Variants in CAMTA1 observed in about 807,000 individuals in gnomAD.
CAMTA1 encodes the protein calmodulin-binding transcription activator 1.
CAMTA1 carries 27 observed loss-of-function variants against 170.9 expected under a neutral mutation model. The ratio of observed to expected loss-of-function variants is 0.16; its 90% CI spans 0.12 to 0.22. The LOEUF (loss-of-function observed/expected upper bound fraction) is 0.22, where lower values mean the gene tolerates loss of function less well. Ranked by LOEUF, CAMTA1 falls within the 10% of genes least tolerant of loss-of-function variation. The probability of loss-of-function intolerance (pLI) is 1.00; values close to 1 mark genes in which losing one functional copy is unlikely to be tolerated. For missense variants in CAMTA1, 1,619 were observed against 2,217.2 expected (o/e 0.73, Z 5.42); for synonymous variants, 833 against 891.5 (o/e 0.93, Z 1.17).
intron 5 of CAMTA1, among the ~76,000 whole-genome samples, chr1:7,354,310 G>A (rs559654968): frequency 9.9e-5 from 15 of 152,058 alleles, no homozygotes; most frequent in African/African-American, 2.9e-4. Flanking sequence ...CACCGCGCCC[G>A]GCTAATTTTT....
intron 5 of CAMTA1, among the ~76,000 whole-genome samples, chr1:7,334,339 A>G (rs2083217468): frequency 6.6e-6 from 1 of 152,188 alleles, no homozygotes; most frequent in Admixed American, 6.5e-5. Flanking sequence ...TTCCTTGGCA[A>G]CATTTTCGGG....
chr1:7,324,949 A>G (rs974757163), intron 5 of CAMTA1, among the ~76,000 whole-genome samples: 1 of 152,160 alleles, frequency 6.6e-6, no homozygotes, highest in Non-Finnish European at 1.5e-5. Flanking sequence ...TGAACAATCC[A>G]TGACCAACCC....
At chr1:7,390,451 A>T (rs546601413) in intron 5 of CAMTA1, among the ~76,000 whole-genome samples, 4 of 152,284 alleles carry the variant, frequency 2.6e-5, no homozygotes, top group African/African-American at 9.6e-5. Flanking sequence ...GAGCCCGCAG[A>T]TCCCACTGCC....
intron 5 of CAMTA1, among the ~76,000 whole-genome samples, chr1:7,385,875 G>A (rs1024698905): frequency 1.6e-4 from 25 of 152,324 alleles, no homozygotes; most frequent in South Asian, 8.3e-4. Flanking sequence ...CTGGCCATTT[G>A]GTTGTGTCCA....
intron 6 of CAMTA1, among the ~76,000 whole-genome samples, chr1:7,505,294 C>T (rs186504210): frequency 2.0e-5 from 3 of 152,340 alleles, no homozygotes; most frequent in South Asian, 2.1e-4. Context: ...GCAGCCAAGT[C>T]GAGGCTCCCT....
At chr1:7,522,523 C>T (rs2094379095) in intron 6 of CAMTA1, among the ~76,000 whole-genome samples, 1 of 152,116 alleles carries the variant, frequency 6.6e-6, no homozygotes, top group Admixed American at 6.5e-5. Context: ...TAGCATTTTC[C>T]ATTTATGGAC....
chr1:7,125,569 G>T lies in CAMTA1; in HGVS notation c.302+34198G>T, dbSNP rs149695106. Among the ~76,000 whole-genome samples, 35 of 152,292 alleles carry T rather than the reference G, an allele frequency of 2.3e-4. No homozygotes were observed. In the East Asian group the frequency reaches 6.8e-3, roughly 29 times the overall value. On this transcript the variant is annotated intron_variant, in intron 4 of 22. Transcript: ENST00000303635. Reference sequence around the variant, plus strand: ...TGGAGTAAGGGACAAATAAGCAGAGGCCCCAAGGAGGAGTAGGAACTCACC... The same window carrying T: ...TGGAGTAAGGGACAAATAAGCAGAGTCCCCAAGGAGGAGTAGGAACTCACC...
intron 3 of CAMTA1, among the ~76,000 whole-genome samples, chr1:7,045,663 A>G (rs1705267352): frequency 6.6e-6 from 1 of 152,268 alleles, no homozygotes. Context: ...TTTTGATTCC[A>G]GATATGAAAT....
rs979711136 is a variant in CAMTA1 at position 7,680,566 on chromosome 1, G to T, written c.2914+2833G>T. ...CTGGGGCCCCAGCAGGGACTGCGAG[G>T]ACCGCGGGACTAGGAAGGCCTGAGC... On this transcript the variant is annotated intron_variant, in intron 11 of 22. Coordinates refer to ENST00000303635, the MANE Select transcript of CAMTA1 (RefSeq NM_015215.4). This position sits in a 1 kb window ranked among gnomAD's most constrained non-coding sequence, Gnocchi z 4.4. Among the ~76,000 whole-genome samples the T allele has an allele frequency of 2.0e-5, 3 of 151,830 alleles. No homozygotes were observed. Among genetic ancestry groups the T allele is most frequent in the African/African-American group, 4.8e-5 (2 of 41,382 alleles).
chr1:6,858,501 G>A (rs1663362484), intron 3 of CAMTA1, among the ~76,000 whole-genome samples: 1 of 145,820 alleles, frequency 6.9e-6, no homozygotes, highest in Non-Finnish European at 1.5e-5. Flanking sequence ...GGGGGGTGTT[G>A]TGATTGTTTT....
chr1:6,931,993 G>A (rs769610604), intron 3 of CAMTA1, among the ~76,000 whole-genome samples: 1 of 152,076 alleles, frequency 6.6e-6, no homozygotes, highest in Non-Finnish European at 1.5e-5. Flanking sequence ...GTGACCTCAG[G>A]GAACACCATT....
chr1:7,358,614 T>C (rs1288985390), intron 5 of CAMTA1, among the ~76,000 whole-genome samples: 1 of 152,180 alleles, frequency 6.6e-6, no homozygotes, highest in Non-Finnish European at 1.5e-5. Flanking sequence ...TCGTCAGACT[T>C]GGCTACCTCT....
intron 5 of CAMTA1, among the ~76,000 whole-genome samples, chr1:7,327,192 G>A (rs970635449): frequency 8.6e-5 from 13 of 151,900 alleles, no homozygotes; most frequent in Admixed American, 3.3e-4. Context: ...CGAGGCAGGC[G>A]GATCACGAGG....
intron 6 of CAMTA1, among the ~76,000 whole-genome samples, chr1:7,563,414 G>A (rs2094988751): frequency 6.6e-6 from 1 of 152,228 alleles, no homozygotes; most frequent in Non-Finnish European, 1.5e-5. Flanking sequence ...GGACCTGGGA[G>A]GTCAGCGAGG....
At position 7,251,255 on chromosome 1, in the gene CAMTA1, C is replaced by T. The variant is rs998539080; in HGVS notation, c.438+1629C>T. On this transcript the variant is annotated intron_variant, in intron 5 of 22. Transcript: ENST00000303635. The surrounding 1 kb of genome is among the most constrained non-coding windows in gnomAD (Gnocchi z 5.1). ...GAAGCCGAGGGGAGAAAACAACCCACAGTGTTCGTTTTCTTTCCTCATGTT... is the reference window on the plus strand; with the variant it reads ...GAAGCCGAGGGGAGAAAACAACCCATAGTGTTCGTTTTCTTTCCTCATGTT... 1.3e-5 allele frequency among the ~76,000 whole-genome samples: 2 copies of T among 152,198 alleles called. No homozygotes were observed. The highest frequency in any genetic ancestry group is 4.8e-5 in the African/African-American group (2 of 41,452).
intron 5 of CAMTA1, among the ~76,000 whole-genome samples, chr1:7,267,639 G>A (rs1024210053): frequency 2.6e-5 from 4 of 152,200 alleles, no homozygotes; most frequent in Admixed American, 2.6e-4. Context: ...TCACTTTGCA[G>A]CTGGGGAATC....
At chr1:7,384,315 G>A (rs968084341) in intron 5 of CAMTA1, among the ~76,000 whole-genome samples, 1 of 152,188 alleles carries the variant, frequency 6.6e-6, no homozygotes, top group African/African-American at 2.4e-5. Flanking sequence ...CCAACTTTCC[G>A]GGGCAGCTGG....
Position 7,748,653 on chromosome 1 carries a change from T to G in CAMTA1, c.4689+872T>G, listed in dbSNP as rs2096874691. The stretch of plus-strand genomic sequence containing the variant: ...CTATTTATTACCTTTGAGTTTGAAT[T>G]ATATAAGGTATTTAATCTTTGGCCA... On this transcript the variant is annotated intron_variant, in intron 19 of 22. Transcript: ENST00000303635. The surrounding 1 kb of genome is among the most constrained non-coding windows in gnomAD (Gnocchi z 4.7). Among the ~76,000 whole-genome samples the G allele has an allele frequency of 6.6e-6, 1 of 152,218 alleles. No individual in the cohort carries two copies. Among genetic ancestry groups the G allele is most frequent in the Non-Finnish European group, 1.5e-5 (1 of 68,040 alleles).
Position 7,663,838 on chromosome 1 carries a change from CTCG to C in CAMTA1, c.1294_1296del (p.Val432del), listed in dbSNP as rs2095981231. Reference sequence around the variant, plus strand: ...CCTCTCACCTGACGCCTCTCAGGGCCTCGTCCTGGCCGTGAGCTCTGATGGCCA... The same window carrying C: ...CCTCTCACCTGACGCCTCTCAGGGCCTCCTGGCCGTGAGCTCTGATGGCCA... On this transcript the variant is annotated inframe_deletion, in exon 9 of 23. Coordinates refer to ENST00000303635, the MANE Select transcript of CAMTA1 (RefSeq NM_015215.4). 1.2e-6 allele frequency: 2 copies of C among 1,614,132 alleles called. No individual in the cohort carries two copies. Among genetic ancestry groups the C allele is most frequent in the Non-Finnish European group, 1.7e-6 (2 of 1,180,040 alleles).
Sources: allele counts gnomAD v4.1 joint callset (sites outside exome capture counted in the v4.1 genomes callset), GRCh38; gene constraint gnomAD v4.1.1; non-coding constraint Gnocchi (gnomAD v3.1); transcripts MANE v1.5; gene names NCBI Gene and HGNC (gene_info 2026-07-23, HGNC 2026-07-21).